SMG6: variants seen among roughly 807,000 people sequenced by gnomAD.
SMG6 encodes SMG6 nonsense mediated mRNA decay factor.
A neutral mutation model predicts 142.2 loss-of-function variants in SMG6; 66 were observed. The ratio of observed to expected loss-of-function variants is 0.46; its 90% CI spans 0.38 to 0.57. SMG6 has a LOEUF of 0.57. Ranked by LOEUF, SMG6 falls within the 20% of genes least tolerant of loss-of-function variation. The pLI, the probability that SMG6 is intolerant of heterozygous loss-of-function variation, is 0.00. For synonymous variants in SMG6, 779 were observed against 702.4 expected (o/e 1.11, Z -1.72); for missense variants, 1,793 against 1,832.0 (o/e 0.98, Z 0.39).
intron 13 of SMG6, among the ~76,000 whole-genome samples, chr17:2,169,539 G>A (rs1040524004): frequency 6.6e-6 from 1 of 152,168 alleles, no homozygotes; most frequent in African/African-American, 2.4e-5. Flanking sequence ...AAGGGAGTGC[G>A]AGAGGCACAC....
At chr17:2,112,386 G>T (rs537605655) in intron 13 of SMG6, among the ~76,000 whole-genome samples, 50 of 151,228 alleles carry the variant, frequency 3.3e-4, no homozygotes, top group East Asian at 2.3e-3. Context: ...CGGGCGTCTG[G>T]AGTCCCAGCT....
At chr17:2,160,016 G>C (rs1255373220) in intron 13 of SMG6, among the ~76,000 whole-genome samples, 2 of 152,128 alleles carry the variant, frequency 1.3e-5, no homozygotes, top group Admixed American at 1.3e-4. Context: ...GGAGTAGGAT[G>C]GGGGATAGAG....
chr17:2,203,859 A>G (rs2072602866), intron 10 of SMG6, among the ~76,000 whole-genome samples: 1 of 152,188 alleles, frequency 6.6e-6, no homozygotes, highest in Non-Finnish European at 1.5e-5. Context: ...GCCTGCAGAC[A>G]CCCTGATTCA....
chr17:2,167,184 G>A (rs2071368368), intron 13 of SMG6, among the ~76,000 whole-genome samples: 2 of 141,578 alleles, frequency 1.4e-5, no homozygotes, highest in African/African-American at 2.7e-5. Context: ...TAAAAGGCAG[G>A]CAAAAAAAAT....
intron 13 of SMG6, among the ~76,000 whole-genome samples, chr17:2,143,018 A>C (rs1441496981): frequency 6.6e-6 from 1 of 152,336 alleles, no homozygotes; most frequent in Middle Eastern, 3.4e-3. Flanking sequence ...TGAAAATCAC[A>C]ACTGAGATAC....
At chr17:2,286,626 A>AT (rs1567749432) in intron 6 of SMG6, among the ~76,000 whole-genome samples, 4 of 152,296 alleles carry the variant, frequency 2.6e-5, no homozygotes, top group African/African-American at 9.6e-5. Context: ...AGGCCTAAAT[A>AT]TAAGAGGTAA....
intron 10 of SMG6, among the ~76,000 whole-genome samples, chr17:2,230,567 C>T (rs900625432): frequency 1.3e-5 from 2 of 152,070 alleles, no homozygotes; most frequent in Admixed American, 6.5e-5. Flanking sequence ...ATTTCTCCTT[C>T]CCCAGCCTAA....
At chr17:2,302,262 GGC>G (rs1194741064) in intron 1 of SMG6, among the ~76,000 whole-genome samples, 3 of 149,786 alleles carry the variant, frequency 2.0e-5, no homozygotes, top group South Asian at 2.1e-4. Flanking sequence ...CAAAAAAATT[GGC>G]CGGGCACGGT....
chr17:2,258,024 A>ATATAT (rs1399835993), intron 8 of SMG6, among the ~76,000 whole-genome samples: 3,344 of 57,570 alleles, frequency 0.058, 145 homozygotes, highest in East Asian at 0.21. Flanking sequence ...AAAAAAAAAA[A>ATATAT]AAAAAAAAAA....
intron 12 of SMG6, among the ~76,000 whole-genome samples, chr17:2,181,846 A>G (rs1402354375): frequency 6.6e-6 from 1 of 152,238 alleles, no homozygotes; most frequent in African/African-American, 2.4e-5. Flanking sequence ...ATCTCAAGCA[A>G]ATGAGACCCA....
chr17:2,292,738 C>A (rs1225798980), intron 5 of SMG6, 108 bp from the exon 6 acceptor site: 5 of 1,466,612 alleles, frequency 3.4e-6, no homozygotes, highest in Non-Finnish European at 3.8e-6. Flanking sequence ...TAGATGTAAC[C>A]CTGGAGGGGT....
chr17:2,169,306 T>A (rs2071432979), intron 13 of SMG6, among the ~76,000 whole-genome samples: 3 of 148,184 alleles, frequency 2.0e-5, no homozygotes, highest in South Asian at 2.1e-4. Context: ...GTGAGACTCA[T>A]CTCTTAAAAA....
At chr17:2,279,701 A>C (rs2074741372) in intron 8 of SMG6, among the ~76,000 whole-genome samples, 1 of 152,180 alleles carries the variant, frequency 6.6e-6, no homozygotes, top group Non-Finnish European at 1.5e-5. Flanking sequence ...ACCAGGTGGT[A>C]CTGACTGGAT....
chr17:2,137,158 C>T (rs1266619744), intron 13 of SMG6, among the ~76,000 whole-genome samples: 1 of 151,972 alleles, frequency 6.6e-6, no homozygotes, highest in East Asian at 1.9e-4. Context: ...CAGAGTGAGA[C>T]CCTGACTCAA....
chr17:2,093,660 G>A (rs2068783083), intron 13 of SMG6, among the ~76,000 whole-genome samples: 1 of 152,284 alleles, frequency 6.6e-6, no homozygotes, highest in Non-Finnish European at 1.5e-5. Context: ...GCCCTGGAAT[G>A]CTTACCTGGC....
rs972579874 is a variant in SMG6, at chr17:2,065,622, C to A, written c.3893G>T (p.Gly1298Val). Residue 1298 changes from glycine (G) to valine (V), a missense_variant, in exon 17 of 19, where the codon GGC (glycine) becomes GTC (valine). Physicochemically the swap from Gly to Val is moderately radical, Grantham distance 109. Transcript: ENST00000263073. Reference sequence around the variant, plus strand: ...CTTCTCTTGTACCACACGGGCGTAGCCCCCAGCCCGGTGGTCTGTCTCCTG... The same window carrying A: ...CTTCTCTTGTACCACACGGGCGTAGACCCCAGCCCGGTGGTCTGTCTCCTG... ...KGQETDHRAGGYARVVQEKAR... is the reference protein window; with the variant it reads ...KGQETDHRAGVYARVVQEKAR... The A allele has an allele frequency of 2.5e-6, 4 of 1,613,858 alleles. No homozygotes were observed. The African/African-American group carries it at 5.3e-5, about 22-fold the overall frequency.
Position 2,299,563 on chromosome 17 carries a change from G to A in SMG6, c.1190C>T (p.Pro397Leu), listed in dbSNP as rs764169201. Reference protein sequence around the residue: ...KGSEKQESKNPKQELRGRGRG... With the variant: ...KGSEKQESKNLKQELRGRGRG... The stretch of plus-strand genomic sequence containing the variant: ...ACCACGACCCCGAAGTTCTTGTTTC[G>A]GGTTTTTGGACTCCTGCTTCTCAGA... Residue 397 changes from proline (P) to leucine (L), a missense_variant, in exon 2 of 19, where the codon CCG becomes CTG. Coordinates refer to ENST00000263073, the MANE Select transcript of SMG6 (RefSeq NM_017575.5). The surrounding 1 kb of genome is among the most constrained non-coding windows in gnomAD (Gnocchi z 4.3). 24 of 1,614,080 alleles carry A rather than the reference G, an allele frequency of 1.5e-5. No homozygotes were observed. Among genetic ancestry groups the A allele is most frequent in the South Asian group, 4.4e-5 (4 of 91,078 alleles).
intron 10 of SMG6, among the ~76,000 whole-genome samples, chr17:2,205,816 T>C (rs2072661299): frequency 6.6e-6 from 1 of 152,060 alleles, no homozygotes. Flanking sequence ...TATATATATT[T>C]TTTTTCTTCC....
chr17:2,302,919 G>A (rs1367784453), intron 1 of SMG6: 1 of 972,070 alleles, frequency 1.0e-6, no homozygotes, highest in Admixed American at 6.2e-5. Context: ...TCACAGACTG[G>A]CCGCAAACCT....
Sources: allele counts gnomAD v4.1 joint callset (sites outside exome capture counted in the v4.1 genomes callset), GRCh38; gene constraint gnomAD v4.1.1; non-coding constraint Gnocchi (gnomAD v3.1); transcripts MANE v1.5; gene names NCBI Gene and HGNC (gene_info 2026-07-23, HGNC 2026-07-21).